PCDHGA1: variants seen among roughly 807,000 people sequenced by gnomAD.
PCDHGA1 encodes the protein protocadherin gamma subfamily A, 1.
Under a neutral mutation model 58.0 loss-of-function variants are expected in PCDHGA1, and 32 were observed. The ratio of observed to expected loss-of-function variants is 0.55; its 90% confidence interval spans 0.42 to 0.74. The LOEUF (loss-of-function observed/expected upper bound fraction) is 0.74, where lower values mean the gene tolerates loss of function less well. Ranked by LOEUF, PCDHGA1 falls within the 30% of genes least tolerant of loss-of-function variation. The pLI is 0.00. For missense variants in PCDHGA1, 1,205 were observed against 1,182.3 expected, an observed-to-expected ratio of 1.02 and a Z score of -0.28; for synonymous variants, 498 against 501.1, an observed-to-expected ratio of 0.99 and a Z score of 0.08.
intron 1 of PCDHGA1, chr5:141,441,982 G>T: frequency 3.6e-6 from 1 of 277,096 alleles, no homozygotes; most frequent in South Asian, 3.6e-5. Flanking sequence ...CCTGGAATGC[G>T]CACCGACGAG....
chr5:141,384,598 C>T lies in PCDHGA1; in HGVS notation c.2421+51493C>T, dbSNP rs1451402043. On this transcript the variant is annotated intron_variant, in intron 1 of 3. Transcript: ENST00000517417. ...CCCGCCCGAGATCCTGTACCCGGCCCTCCCCACAGATGGTTCTACTGGCAT... is the reference window on the plus strand; with the variant it reads ...CCCGCCCGAGATCCTGTACCCGGCCTTCCCCACAGATGGTTCTACTGGCAT... 2.5e-6 allele frequency: 4 copies of T among 1,614,138 alleles called. No individual in the cohort carries two copies. The African/African-American group carries it at 5.3e-5, about 22-fold the overall frequency.
intron 1 of PCDHGA1, among the ~76,000 whole-genome samples, chr5:141,335,930 T>C (rs1756588715): frequency 6.6e-6 from 1 of 152,140 alleles, no homozygotes; most frequent in African/African-American, 2.4e-5. Flanking sequence ...TTATTAAAAA[T>C]TGTGAGATGC....
rs1027897777 is a variant in PCDHGA1, at chr5:141,510,812, C to T, written c.2570-135C>T. 151 of 1,531,674 alleles carry T rather than the reference C, an allele frequency of 9.9e-5. 1 individual carries two copies. The highest frequency in any genetic ancestry group is 2.5e-5 in the South Asian group (2 of 80,152). 94.9% of individuals were successfully genotyped at this position (1,531,674 alleles called of 1,614,324 possible). A position where few individuals can be genotyped will look rare whatever the true frequency, so the allele number is the denominator to read the frequency against. On this transcript the variant is annotated intron_variant, in intron 3 of 3. Coordinates refer to ENST00000517417, the MANE Select transcript of PCDHGA1 (RefSeq NM_018912.3). ...TGTGAAGAGAGACTACCTTGGTGAC[C>T]CCTATATTCCCAGTGCTCAGCGTGG...
At position 141,487,063 on chromosome 5, in the gene PCDHGA1, G is replaced by T; in HGVS notation, c.2422-7744G>T. The T allele has an allele frequency of 6.2e-7, 1 of 1,614,086 alleles. No homozygotes were observed. ...CTCGATATGCTGGGGAGGTGCGGACGGCTGTTCCTATCCCAGCTGACCTCC... is the reference window on the plus strand; with the variant it reads ...CTCGATATGCTGGGGAGGTGCGGACTGCTGTTCCTATCCCAGCTGACCTCC... On this transcript the variant is annotated intron_variant, in intron 1 of 3. Coordinates refer to ENST00000517417, the MANE Select transcript of PCDHGA1 (RefSeq NM_018912.3). The surrounding 1 kb of genome is among the most constrained non-coding windows in gnomAD (Gnocchi z 5.0).
At chr5:141,465,833 T>A (rs2099110537) in intron 1 of PCDHGA1, among the ~76,000 whole-genome samples, 1 of 152,002 alleles carries the variant, frequency 6.6e-6, no homozygotes, top group Non-Finnish European at 1.5e-5. Context: ...GTTTAAAATT[T>A]CAACTGAGGC....
intron 1 of PCDHGA1, chr5:141,414,723 C>T (rs775890033): frequency 1.9e-6 from 3 of 1,614,170 alleles, no homozygotes. Context: ...CAGACACTGG[C>T]GTCCTGTATG....
At chr5:141,365,152 CG>C in intron 1 of PCDHGA1, 1 of 1,613,880 alleles carries the variant, frequency 6.2e-7, no homozygotes, top group South Asian at 1.1e-5. Context: ...AGGGAATAAA[CG>C]GGAAATTGAC....
chr5:141,360,293 A>G, intron 1 of PCDHGA1: 1 of 1,613,970 alleles, frequency 6.2e-7, no homozygotes, highest in Non-Finnish European at 8.5e-7. Flanking sequence ...CTCGCCAAGG[A>G]TCTGGGGCTC....
At chr5:141,350,208 T>C (rs1030085147) in intron 1 of PCDHGA1, 11 of 1,477,052 alleles carry the variant, frequency 7.4e-6, no homozygotes, top group Non-Finnish European at 9.0e-6. Flanking sequence ...GGTGCTGCCA[T>C]TTCTTTTTGA....
chr5:141,362,763 G>A, intron 1 of PCDHGA1: 2 of 636,758 alleles, frequency 3.1e-6, no homozygotes, highest in South Asian at 2.1e-5. Flanking sequence ...TTTATCACAT[G>A]AGATATTGCA....
At chr5:141,355,046 A>T in intron 1 of PCDHGA1, 1 of 1,149,106 alleles carries the variant, frequency 8.7e-7, no homozygotes, top group Non-Finnish European at 1.2e-6. Context: ...CTGCAGCACA[A>T]AGCACTGGCT....
chr5:141,396,347 G>A (rs765584625), intron 1 of PCDHGA1: 21 of 152,416 alleles, frequency 1.4e-4, no homozygotes, highest in Non-Finnish European at 2.5e-4. Context: ...GGCCGGGTGC[G>A]GTGGCTCACG....
intron 2 of PCDHGA1, among the ~76,000 whole-genome samples, chr5:141,498,543 C>T (rs2099784198): frequency 6.6e-6 from 1 of 151,870 alleles, no homozygotes; most frequent in South Asian, 2.1e-4. Flanking sequence ...CTGGTCTGGT[C>T]AGACACACCA....
At position 141,384,979 on chromosome 5, in the gene PCDHGA1, G is replaced by C. The variant is rs758247749; in HGVS notation, c.2421+51874G>C. 1.4e-4 allele frequency: 229 copies of C among 1,614,146 alleles called. 1 individual carries two copies. The highest frequency in any genetic ancestry group is 1.5e-5 in the Non-Finnish European group (18 of 1,180,036). On this transcript the variant is annotated intron_variant, in intron 1 of 3. Coordinates refer to ENST00000517417, the MANE Select transcript of PCDHGA1 (RefSeq NM_018912.3). ...CAACTATGACCTCACGTTGTACCTG[G>C]TGGTGGCGGTGGCCACAGTCTCCTG...
intron 1 of PCDHGA1, among the ~76,000 whole-genome samples, chr5:141,463,527 G>C (rs12109431): frequency 1.5e-5 from 2 of 131,102 alleles, no homozygotes; most frequent in Non-Finnish European, 3.1e-5. Context: ...CGGCTTACTA[G>C]AAACTCCGGC....
rs1262043820 is a variant in PCDHGA1, at chr5:141,415,755, T to TTG, written c.2422-79051_2422-79050insGT. Reference sequence around the variant, plus strand: ...GTTTATTAAGGTTTTTTTTTTTTTTTTTTTTTTTTTTTTTTTTACTTTCTG... The same window carrying TTG: ...GTTTATTAAGGTTTTTTTTTTTTTTTTGTTTTTTTTTTTTTTTTTACTTTCTG... On this transcript the variant is annotated intron_variant, in intron 1 of 3. Transcript: ENST00000517417. 56 of 1,387,630 alleles carry TTG rather than the reference T, an allele frequency of 4.0e-5. No individual in the cohort carries two copies. The African/African-American group carries it at 7.5e-4, about 19-fold the overall frequency. The allele number at this position is 1,387,630 out of a possible 1,614,324, so 86.0% of individuals were successfully genotyped here. A position where few individuals can be genotyped will look rare whatever the true frequency, so the allele number is the denominator to read the frequency against.
At chr5:141,415,729 T>A in intron 1 of PCDHGA1, 1 of 1,442,780 alleles carries the variant, frequency 6.9e-7, no homozygotes, top group Non-Finnish European at 9.1e-7. Flanking sequence ...TAGAATTTGA[T>A]GTTTATTAAG....
chr5:141,457,481 G>T (rs990111430), intron 1 of PCDHGA1, among the ~76,000 whole-genome samples: 1 of 152,212 alleles, frequency 6.6e-6, no homozygotes, highest in African/African-American at 2.4e-5. Context: ...CAGGGCCAGG[G>T]TTAGTCTAAA....
At chr5:141,356,196 G>A in intron 1 of PCDHGA1, 2 of 1,609,400 alleles carry the variant, frequency 1.2e-6, no homozygotes, top group Admixed American at 1.7e-5. Context: ...CTAGAAGCAA[G>A]GTACTGGTGA....
Sources: allele counts gnomAD v4.1 joint callset (sites outside exome capture counted in the v4.1 genomes callset), GRCh38; gene constraint gnomAD v4.1.1; non-coding constraint Gnocchi (gnomAD v3.1); transcripts MANE v1.5; gene names NCBI Gene and HGNC (gene_info 2026-07-23, HGNC 2026-07-21).